The following CTTNBP2 variants were observed in gnomAD, a reference collection of about 807,000 sequenced individuals.
CTTNBP2 encodes the protein cortactin-binding protein 2.
CTTNBP2 carries 108 observed loss-of-function variants against 156.9 expected under a neutral mutation model. The ratio of observed to expected loss-of-function variants is 0.69; its 90% CI spans 0.59 to 0.81. The LOEUF (loss-of-function observed/expected upper bound fraction) is 0.81. Among genes scored for constraint, CTTNBP2 ranks in the 30% least tolerant of loss-of-function variants. The pLI is 0.00. For synonymous variants in CTTNBP2, 767 were observed against 751.8 expected, an observed-to-expected ratio of 1.02 and a Z score of -0.33; for missense variants, 1,924 against 2,035.4, an observed-to-expected ratio of 0.95 and a Z score of 1.05.
At chr7:117,837,155 A>G (rs770389405) in intron 2 of CTTNBP2, among the ~76,000 whole-genome samples, 13 of 152,228 alleles carry the variant, frequency 8.5e-5, no homozygotes, top group Non-Finnish European at 2.9e-5. Flanking sequence ...CCTAAAAGCT[A>G]GACTTAGTCC....
intron 2 of CTTNBP2, among the ~76,000 whole-genome samples, chr7:117,849,076 A>G (rs1802774275): frequency 6.6e-6 from 1 of 152,222 alleles, no homozygotes; most frequent in African/African-American, 2.4e-5. Context: ...CTGTCCTGAG[A>G]AGAGCCACTG....
Position 117,711,334 on chromosome 7 carries a change from T to C in CTTNBP2, c.*203A>G. 1.9e-6 allele frequency: 1 copy of C among 529,780 alleles called. No homozygotes were observed. Among genetic ancestry groups the C allele is most frequent in the East Asian group, 3.4e-5 (1 of 29,840 alleles). 32.8% of individuals were successfully genotyped at this position (529,780 alleles called of 1,614,324 possible). On this transcript the variant is annotated 3_prime_UTR_variant, in exon 23 of 23. Coordinates refer to ENST00000160373, the MANE Select transcript of CTTNBP2 (RefSeq NM_033427.3). ...TGGCATAACTTCCTGGTATTGAAGT[T>C]CAATCCTACAGAATTAAAAAAAAAA...
At chr7:117,729,569 C>A (rs1795291076) in intron 16 of CTTNBP2, among the ~76,000 whole-genome samples, 1 of 151,922 alleles carries the variant, frequency 6.6e-6, no homozygotes, top group African/African-American at 2.4e-5. Flanking sequence ...ACAGAGGAAA[C>A]AAAAGAAAAG....
chr7:117,864,480 T>G (rs1803975832), intron 1 of CTTNBP2, among the ~76,000 whole-genome samples: 2 of 151,726 alleles, frequency 1.3e-5, no homozygotes, highest in South Asian at 4.1e-4. Context: ...CCAATTCTAT[T>G]CTGGCAAAAC....
chr7:117,828,647 C>T (rs1801435282), intron 2 of CTTNBP2, among the ~76,000 whole-genome samples: 1 of 152,184 alleles, frequency 6.6e-6, no homozygotes, highest in Non-Finnish European at 1.5e-5. Context: ...GGCCATTTGT[C>T]ACAAGCCTGT....
intron 9 of CTTNBP2, 131 bp from the exon 10 acceptor site, chr7:117,760,841 A>G: frequency 1.5e-6 from 1 of 663,098 alleles, no homozygotes; most frequent in Non-Finnish European, 2.5e-6. Context: ...TCATTAAATA[A>G]CATTACATTG....
intron 1 of CTTNBP2, among the ~76,000 whole-genome samples, chr7:117,869,097 C>T (rs1050522230): frequency 5.3e-5 from 8 of 151,958 alleles, no homozygotes; most frequent in African/African-American, 9.7e-5. Flanking sequence ...TTTTGAAAAG[C>T]GAGAATCTAA....
intron 8 of CTTNBP2, among the ~76,000 whole-genome samples, chr7:117,772,365 A>C (rs1797842714): frequency 2.0e-5 from 3 of 152,184 alleles, no homozygotes; most frequent in African/African-American, 7.2e-5. Flanking sequence ...GAGTTCTTTA[A>C]GTTAGGAAGA....
intron 2 of CTTNBP2, among the ~76,000 whole-genome samples, chr7:117,837,955 C>CATAG (rs550140852): frequency 2.8e-4 from 42 of 152,262 alleles, no homozygotes; most frequent in African/African-American, 9.4e-4. Flanking sequence ...TACCTATTAC[C>CATAG]CTATCCCTTA....
At chr7:117,723,089 C>T (rs1258111037) in intron 19 of CTTNBP2, among the ~76,000 whole-genome samples, 2 of 151,844 alleles carry the variant, frequency 1.3e-5, no homozygotes, top group Non-Finnish European at 2.9e-5. Flanking sequence ...CTCCCTAAAT[C>T]AAACACTCTG....
chr7:117,801,779 T>C (rs1224238414), intron 3 of CTTNBP2, among the ~76,000 whole-genome samples: 1 of 152,164 alleles, frequency 6.6e-6, no homozygotes, highest in Non-Finnish European at 1.5e-5. Context: ...ATAAAGCAGA[T>C]TAGATAAAAT....
chr7:117,754,748 A>C (rs996290242), intron 12 of CTTNBP2, among the ~76,000 whole-genome samples: 1 of 152,220 alleles, frequency 6.6e-6, no homozygotes, highest in Non-Finnish European at 1.5e-5. Flanking sequence ...CACTGAATTC[A>C]ATATAGAATC....
At chr7:117,717,177 AG>A (rs1794448050) in intron 22 of CTTNBP2, among the ~76,000 whole-genome samples, 1 of 152,188 alleles carries the variant, frequency 6.6e-6, no homozygotes, top group African/African-American at 2.4e-5. Flanking sequence ...ATAATGGTGC[AG>A]TGCTGTAGTC....
chr7:117,850,261 A>G (rs2117186818), intron 2 of CTTNBP2, among the ~76,000 whole-genome samples: 1 of 152,300 alleles, frequency 6.6e-6, no homozygotes, highest in South Asian at 2.1e-4. Flanking sequence ...GCATGCCTGA[A>G]ACCACAGATG....
chr7:117,776,048 A>G (rs183513306), intron 8 of CTTNBP2, among the ~76,000 whole-genome samples: 1 of 152,212 alleles, frequency 6.6e-6, no homozygotes, highest in Non-Finnish European at 1.5e-5. Flanking sequence ...GGAGCTCTAA[A>G]TACACATCTT....
chr7:117,873,005 C>A (rs749256533), intron 1 of CTTNBP2, among the ~76,000 whole-genome samples: 4 of 152,168 alleles, frequency 2.6e-5, no homozygotes, highest in Non-Finnish European at 5.9e-5. Context: ...GCCTTCTCCC[C>A]CGGCCAGAAG....
chr7:117,745,930 G>C lies in CTTNBP2; in HGVS notation c.3436C>G (p.His1146Asp). ...GAGAATCCTGCAGCCATTTGTCTGT[G>C]CTGTGATAAGAAAATAGGGTGATTA... ...IVHQLALCLK[H>D]RQMAAGFSCE... Residue 1146 changes from histidine (H) to aspartate (D), a missense_variant and splice_region_variant, in exon 14 of 23, where the codon CAC becomes GAC. Transcript: ENST00000160373. 6.2e-7 allele frequency: 1 copy of C among 1,613,858 alleles called. No homozygotes were observed. Among genetic ancestry groups the C allele is most frequent in the South Asian group, 1.1e-5 (1 of 91,072 alleles).
chr7:117,782,814 A>C (rs78183633), intron 6 of CTTNBP2, 48 bp downstream of exon 6: 35,882 of 1,363,288 alleles, frequency 0.026, 789 homozygotes, highest in Non-Finnish European at 0.026. Flanking sequence ...CAAATTATAA[A>C]AAGAGGCTCC....
At position 117,808,869 on chromosome 7, in the gene CTTNBP2, T is replaced by C. The variant is rs1800098564; in HGVS notation, c.414+1896A>G. On this transcript the variant is annotated intron_variant, in intron 3 of 22. Coordinates refer to ENST00000160373, the MANE Select transcript of CTTNBP2 (RefSeq NM_033427.3). ...CTTTGGTGTTTCTGCTTTCATCAGC[T>C]GATACGGTATTTTCTTTTTAAGACA... Among the ~76,000 whole-genome samples the C allele has an allele frequency of 2.0e-5, 3 of 152,234 alleles. No individual in the cohort carries two copies. The South Asian group carries it at 6.2e-4, about 32-fold the overall frequency.
Sources: gnomAD v4.1 joint callset for allele counts (sites outside exome capture counted in the v4.1 genomes callset) on GRCh38, gnomAD v4.1.1 for gene constraint, MANE v1.5 for transcripts, NCBI Gene and HGNC (gene_info 2026-07-23, HGNC 2026-07-21) for gene names.